MYLK: variants seen among roughly 807,000 people sequenced by gnomAD.
MYLK encodes myosin light chain kinase.
Under a neutral mutation model 203.4 loss-of-function variants are expected in MYLK, and 106 were observed. That is an observed-to-expected ratio of 0.52 (90% CI 0.45 to 0.61). The LOEUF (loss-of-function observed/expected upper bound fraction) is 0.61, where lower values mean the gene tolerates loss of function less well. Ranked by LOEUF, MYLK falls within the 20% of genes least tolerant of loss-of-function variation. MYLK has a pLI of 0.00. For missense variants in MYLK, 2,072 were observed against 2,442.3 expected (o/e 0.85, Z 3.20); for synonymous variants, 867 against 959.5 (o/e 0.90, Z 1.78).
chr3:123,805,991 C>T (rs540703143), intron 3 of MYLK, among the ~76,000 whole-genome samples: 4 of 152,214 alleles, frequency 2.6e-5, no homozygotes, highest in Non-Finnish European at 5.9e-5. Flanking sequence ...TCAGGTTTCA[C>T]ATTTCACTTA....
At chr3:123,843,356 T>G (rs542636855) in intron 2 of MYLK, among the ~76,000 whole-genome samples, 124 of 152,332 alleles carry the variant, frequency 8.1e-4, no homozygotes, top group African/African-American at 2.8e-3. Context: ...CACAGGTCTG[T>G]CTGGTTGTAA....
rs771314526 is a variant in MYLK at position 123,618,779 on chromosome 3, CAG to C, written c.5369-11_5369-10del. On this transcript the variant is annotated splice_polypyrimidine_tract_variant and intron_variant, in intron 32 of 33. Transcript: ENST00000360304. The stretch of plus-strand genomic sequence containing the variant: ...AGCTTGGGACACATCTTCTAGAAGA[CAG>C]AGAAGAAGACCAGGTCATTTCTTCA... 5 of 1,614,028 alleles carry C rather than the reference CAG, an allele frequency of 3.1e-6. No homozygotes were observed. Among genetic ancestry groups the C allele is most frequent in the Non-Finnish European group, 4.2e-6 (5 of 1,179,964 alleles).
At chr3:123,662,240 G>C (rs1472591057) in intron 23 of MYLK, among the ~76,000 whole-genome samples, 1 of 152,210 alleles carries the variant, frequency 6.6e-6, no homozygotes, top group Non-Finnish European at 1.5e-5. Flanking sequence ...AGTGGCACTG[G>C]AGGACAAGTG....
chr3:123,771,165 T>C (rs1019873668), intron 4 of MYLK, among the ~76,000 whole-genome samples: 1 of 152,256 alleles, frequency 6.6e-6, no homozygotes, highest in African/African-American at 2.4e-5. Flanking sequence ...TGAACTCATC[T>C]ATAAAACTAT....
intron 23 of MYLK, 134 bp from the exon 24 acceptor site, chr3:123,657,562 C>T: frequency 1.2e-6 from 1 of 805,602 alleles, no homozygotes. Flanking sequence ...GCGTCTCTTT[C>T]CCTCATCCGC....
At position 123,708,942 on chromosome 3, in the gene MYLK, C is replaced by T. The variant is rs765112209; in HGVS notation, c.1943-47G>A. 37 of 1,552,482 alleles carry T rather than the reference C, an allele frequency of 2.4e-5. 1 individual carries two copies. The highest frequency in any genetic ancestry group is 1.3e-4 in the South Asian group (12 of 89,240). On this transcript the variant is annotated intron_variant, in intron 14 of 33. Transcript: ENST00000360304. ...GGGGATTGGTTAGGGAGGTCCTCCC[C>T]GGCCATGCAGCAACTCTGCGCTGAA...
Position 123,667,122 on chromosome 3 carries a change from G to A in MYLK, c.3703+15C>T, listed in dbSNP as rs1159516908. 6.2e-7 allele frequency: 1 copy of A among 1,613,130 alleles called. No homozygotes were observed. Among genetic ancestry groups the A allele is most frequent in the African/African-American group, 1.3e-5 (1 of 74,888 alleles). On this transcript the variant is annotated intron_variant, in intron 21 of 33. Transcript: ENST00000360304. ...GATGACTTCTTTGACCCCAGATAGT[G>A]CCGTGGCCAATTACCTGCCTTCGGA...
At position 123,831,423 on chromosome 3, in the gene MYLK, C is replaced by T. The variant is rs765403143; in HGVS notation, c.-4+125G>A. 1.0e-4 allele frequency: 135 copies of T among 1,289,574 alleles called. 1 individual carries two copies. Among genetic ancestry groups the T allele is most frequent in the Middle Eastern group, 8.5e-4 (4 of 4,696 alleles). The allele number at this position is 1,289,574 out of a possible 1,614,324, so 79.9% of individuals were successfully genotyped here. On this transcript the variant is annotated intron_variant, in intron 3 of 33. Transcript: ENST00000360304. ...GCTTGGGCAGCTGGCCAGGTGCCAT[C>T]TCACCTTGGGGGCAGCAGTCTCTTC...
At chr3:123,636,467 C>T (rs1041497512) in intron 29 of MYLK, among the ~76,000 whole-genome samples, 1 of 152,274 alleles carries the variant, frequency 6.6e-6, no homozygotes, top group Non-Finnish European at 1.5e-5. Flanking sequence ...AGGCAAGTCT[C>T]CATGACGGCT....
At chr3:123,667,666 T>G (rs1229581309) in intron 20 of MYLK, among the ~76,000 whole-genome samples, 1 of 152,010 alleles carries the variant, frequency 6.6e-6, no homozygotes, top group Non-Finnish European at 1.5e-5. Flanking sequence ...CTTTGCCCTT[T>G]CACACAGACA....
chr3:123,816,598 G>C (rs190060197), intron 3 of MYLK, among the ~76,000 whole-genome samples: 50 of 152,268 alleles, frequency 3.3e-4, no homozygotes, highest in African/African-American at 1.2e-3. Context: ...AATAACATAA[G>C]ACAGAAATTT....
chr3:123,714,543 C>T (rs1451951438), intron 13 of MYLK, among the ~76,000 whole-genome samples: 1 of 152,150 alleles, frequency 6.6e-6, no homozygotes, highest in Non-Finnish European at 1.5e-5. Context: ...CCATGGCACA[C>T]AAATAGCAAG....
rs559015816 is a variant in MYLK, at chr3:123,772,269, T to C, written c.166-19731A>G. Among the ~76,000 whole-genome samples the C allele has an allele frequency of 2.6e-5, 4 of 152,276 alleles. No homozygotes were observed. The East Asian group carries it at 7.7e-4, about 29-fold the overall frequency. ...GCAACAATTATTAAAACCATTTTGG[T>C]TCACATATTGACTAATGAAATAGTC... is the stretch of plus-strand genomic sequence containing the variant. On this transcript the variant is annotated intron_variant, in intron 4 of 33. Coordinates refer to ENST00000360304, the MANE Select transcript of MYLK (RefSeq NM_053025.4).
intron 5 of MYLK, among the ~76,000 whole-genome samples, chr3:123,747,111 C>T (rs1359292197): frequency 6.6e-6 from 1 of 152,180 alleles, no homozygotes; most frequent in African/African-American, 2.4e-5. Flanking sequence ...AAGAGATCTG[C>T]CCCTGAAAAA....
intron 4 of MYLK, among the ~76,000 whole-genome samples, chr3:123,755,136 T>A (rs1266700104): frequency 6.6e-6 from 1 of 152,214 alleles, no homozygotes; most frequent in Non-Finnish European, 1.5e-5. Context: ...GCAGGGCTGG[T>A]CTACCCAGGC....
intron 24 of MYLK, among the ~76,000 whole-genome samples, chr3:123,653,238 A>AACAC (rs143287699): frequency 1.3e-5 from 2 of 151,494 alleles, no homozygotes; most frequent in Non-Finnish European, 3.0e-5. Context: ...CCTCTCTGCC[A>AACAC]ACACACACAC....
At chr3:123,845,048 T>C (rs561419485) in intron 2 of MYLK, among the ~76,000 whole-genome samples, 2 of 152,198 alleles carry the variant, frequency 1.3e-5, no homozygotes, top group East Asian at 3.9e-4. Context: ...TAAGAGAGGG[T>C]ATTCAGTCTC....
chr3:123,703,985 C>T (rs2061351626), intron 16 of MYLK, among the ~76,000 whole-genome samples: 1 of 152,222 alleles, frequency 6.6e-6, no homozygotes, highest in South Asian at 2.1e-4. Flanking sequence ...CTGGAGTAAG[C>T]CGATTCTCCC....
intron 4 of MYLK, among the ~76,000 whole-genome samples, chr3:123,776,374 T>C (rs758168781): frequency 3.3e-4 from 50 of 152,328 alleles, no homozygotes; most frequent in South Asian, 4.1e-4. Flanking sequence ...TGGAAAGTAC[T>C]TGTGCTTAAA....
Sources: gnomAD v4.1 joint callset for allele counts (sites outside exome capture counted in the v4.1 genomes callset) on GRCh38, gnomAD v4.1.1 for gene constraint, MANE v1.5 for transcripts, NCBI Gene and HGNC (gene_info 2026-07-23, HGNC 2026-07-21) for gene names.